Variants in UBAC2 observed in about 807,000 individuals in gnomAD.
The protein encoded by UBAC2 is UBA domain containing 2, also known as ubiquitin-associated domain-containing protein 2.
UBAC2 carries 26 observed loss-of-function variants against 44.0 expected under a neutral mutation model. The ratio of observed to expected loss-of-function variants is 0.59; its 90% CI spans 0.43 to 0.82. The LOEUF (loss-of-function observed/expected upper bound fraction) is 0.82, where lower values mean the gene tolerates loss of function less well. Among genes scored for constraint, UBAC2 ranks in the 40% least tolerant of loss-of-function variants. UBAC2 has a pLI of 0.00. For synonymous variants in UBAC2, 155 were observed against 154.3 expected (o/e 1.00, Z -0.04); for missense variants, 329 against 419.4 (o/e 0.78, Z 1.88).
At chr13:99,282,953 A>G (rs17575384) in intron 4 of UBAC2, among the ~76,000 whole-genome samples, 2,993 of 152,328 alleles carry the variant, frequency 0.02, 81 homozygotes, top group Admixed American at 0.074. Flanking sequence ...ATCTGAACTA[A>G]AGGAAAAAGG....
At chr13:99,265,916 AGTT>A (rs2138654567) in intron 4 of UBAC2, among the ~76,000 whole-genome samples, 1 of 152,326 alleles carries the variant, frequency 6.6e-6, no homozygotes, top group Non-Finnish European at 1.5e-5. Flanking sequence ...CAGAGAAGTT[AGTT>A]GCAATTTATT....
intron 8 of UBAC2, among the ~76,000 whole-genome samples, chr13:99,373,496 C>G (rs1328515469): frequency 6.6e-6 from 1 of 152,192 alleles, no homozygotes; most frequent in Admixed American, 6.5e-5. Context: ...CGGGGCTAAG[C>G]GCTGTGCTGA....
rs1408230637 is a variant in UBAC2, at chr13:99,282,438, C to G, written c.390-31659C>G. ...AATTTGTTTTAAAGAGGTTTAACAT[C>G]TGTTTTCATTTCTGCTTTTCTGAGT... On this transcript the variant is annotated intron_variant, in intron 4 of 8. Transcript: ENST00000403766. 3.3e-5 allele frequency among the ~76,000 whole-genome samples: 5 copies of G among 152,320 alleles called. No individual in the cohort carries two copies. The East Asian group carries it at 9.6e-4, about 29-fold the overall frequency.
At chr13:99,352,765 G>A (rs1234104026) in intron 7 of UBAC2, among the ~76,000 whole-genome samples, 1 of 152,162 alleles carries the variant, frequency 6.6e-6, no homozygotes, top group Non-Finnish European at 1.5e-5. Context: ...AGAGTAGAAA[G>A]CGTCAGTTAC....
At position 99,327,605 on chromosome 13, in the gene UBAC2, G is replaced by A. The variant is rs186293576; in HGVS notation, c.561+9536G>A. ...GGGACTATGGTAAAATTAACATGTC[G>A]TTTTGAATTTATTTATTATTTATAA... On this transcript the variant is annotated intron_variant, in intron 6 of 8. Transcript: ENST00000403766. 1.3e-4 allele frequency among the ~76,000 whole-genome samples: 19 copies of A among 151,986 alleles called. No individual in the cohort carries two copies. The East Asian group carries it at 2.1e-3, about 17-fold the overall frequency.
chr13:99,325,162 G>T (rs1478934715), intron 6 of UBAC2, among the ~76,000 whole-genome samples: 6 of 146,606 alleles, frequency 4.1e-5, no homozygotes, highest in African/African-American at 1.5e-4. Context: ...GAGTGCTGTG[G>T]CGCGATCTTG....
At chr13:99,222,750 C>G (rs2142689638) in intron 1 of UBAC2, among the ~76,000 whole-genome samples, 1 of 152,288 alleles carries the variant, frequency 6.6e-6, no homozygotes, top group East Asian at 1.9e-4. Flanking sequence ...GTTTGATTTA[C>G]TGATGTTTTG....
intron 1 of UBAC2, among the ~76,000 whole-genome samples, chr13:99,237,171 T>C (rs2043243360): frequency 6.6e-6 from 1 of 152,040 alleles, no homozygotes. Context: ...TGTTGTATAC[T>C]TCCATCTTTA....
At chr13:99,315,387 C>G (rs536037759) in intron 5 of UBAC2, among the ~76,000 whole-genome samples, 1 of 152,330 alleles carries the variant, frequency 6.6e-6, no homozygotes, top group Non-Finnish European at 1.5e-5. Context: ...ATGGCTGTCT[C>G]CAGCCATGAG....
rs2042792587 is a variant in UBAC2, at chr13:99,201,217, C to T, written c.31+278C>T. The T allele has an allele frequency of 3.5e-6, 5 of 1,426,416 alleles. No individual in the cohort carries two copies. In the African/African-American group the frequency reaches 5.8e-5, roughly 16 times the overall value. 88.4% of individuals were successfully genotyped at this position (1,426,416 alleles called of 1,614,324 possible). ...GCCCAGGAGTCTCTTGGGGCCGCTGCAAGTGGGCAGGTGCCCTGGTGTTCT... is the reference window on the plus strand; with the variant it reads ...GCCCAGGAGTCTCTTGGGGCCGCTGTAAGTGGGCAGGTGCCCTGGTGTTCT... On this transcript the variant is annotated intron_variant, in intron 1 of 8. Transcript: ENST00000403766.
intron 4 of UBAC2, among the ~76,000 whole-genome samples, chr13:99,270,658 G>A (rs542967160): frequency 6.6e-6 from 1 of 152,290 alleles, no homozygotes; most frequent in East Asian, 1.9e-4. Flanking sequence ...GATGGTTGAT[G>A]GTGTGGACAT....
intron 4 of UBAC2, among the ~76,000 whole-genome samples, chr13:99,279,363 T>C (rs1366303323): frequency 6.6e-6 from 1 of 152,224 alleles, no homozygotes; most frequent in Admixed American, 6.5e-5. Flanking sequence ...ACCATTCAAG[T>C]GTTTCAAGAG....
chr13:99,214,098 C>T (rs577481970), intron 1 of UBAC2, among the ~76,000 whole-genome samples: 7 of 152,306 alleles, frequency 4.6e-5, no homozygotes, highest in African/African-American at 1.7e-4. Flanking sequence ...GGATTACAGG[C>T]GTGAGCCACC....
At chr13:99,248,882 C>G (rs907350403) in intron 4 of UBAC2, among the ~76,000 whole-genome samples, 8 of 152,186 alleles carry the variant, frequency 5.3e-5, no homozygotes, top group Admixed American at 5.2e-4. Context: ...TTCAGAAGCT[C>G]TCTTCTCTTC....
intron 7 of UBAC2, among the ~76,000 whole-genome samples, chr13:99,343,363 G>A (rs1391961953): frequency 5.4e-5 from 6 of 111,966 alleles, no homozygotes; most frequent in South Asian, 2.6e-4. Flanking sequence ...TGTAAACTCC[G>A]CACGGTGTCT....
At chr13:99,345,419 C>T (rs993182374) in intron 7 of UBAC2, among the ~76,000 whole-genome samples, 5 of 150,900 alleles carry the variant, frequency 3.3e-5, no homozygotes, top group Non-Finnish European at 2.9e-5. Flanking sequence ...TTCTAAAGCC[C>T]GGCTCTCAGA....
intron 2 of UBAC2, among the ~76,000 whole-genome samples, chr13:99,242,255 C>T (rs1168830493): frequency 1.9e-4 from 29 of 152,356 alleles, no homozygotes; most frequent in Non-Finnish European, 2.8e-4. Flanking sequence ...CTGCTGGGCA[C>T]ACCTCCCAGA....
intron 1 of UBAC2, among the ~76,000 whole-genome samples, chr13:99,222,210 T>G (rs1214885664): frequency 6.6e-6 from 1 of 152,074 alleles, no homozygotes; most frequent in African/African-American, 2.4e-5. Context: ...GAATTTCAAG[T>G]AGTAAAGAAT....
At chr13:99,223,007 C>G (rs1008582080) in intron 1 of UBAC2, among the ~76,000 whole-genome samples, 2 of 152,114 alleles carry the variant, frequency 1.3e-5, no homozygotes, top group African/African-American at 4.8e-5. Context: ...ACTATAAATT[C>G]AATTTCATAA....
Sources: allele counts gnomAD v4.1 joint callset (sites outside exome capture counted in the v4.1 genomes callset), GRCh38; gene constraint gnomAD v4.1.1; transcripts MANE v1.5; gene names NCBI Gene and HGNC (gene_info 2026-07-23, HGNC 2026-07-21).